The following ZSCAN1 variants were observed in gnomAD, a reference collection of about 807,000 sequenced individuals.
ZSCAN1 encodes the protein zinc finger and SCAN domain containing 1, also known as zinc finger and SCAN domain-containing protein 1.
ZSCAN1 carries 23 observed loss-of-function variants against 23.8 expected under a neutral mutation model. That is an observed-to-expected ratio of 0.97 (90% CI 0.70 to 1.37). ZSCAN1 has a LOEUF of 1.37. Among genes scored for constraint, ZSCAN1 ranks in the 40% most tolerant of loss-of-function variants. The pLI is 0.00. For synonymous variants in ZSCAN1, 236 were observed against 232.3 expected (o/e 1.02, Z -0.15); for missense variants, 575 against 554.0 (o/e 1.04, Z -0.38).
chr19:58,044,694 TCAGCTTGCCAGCACC>T, intron 4 of ZSCAN1: 1 of 778,518 alleles, frequency 1.3e-6, no homozygotes, highest in Non-Finnish European at 2.3e-6. Context: ...CCTGCTCATC[TCAGCTTGCCAGCACC>T]CTGGGGTTGA....
intron 1 of ZSCAN1, 58 bp downstream of exon 1, chr19:58,034,219 C>A (rs2073715372): frequency 6.6e-6 from 1 of 151,240 alleles, no homozygotes; most frequent in Non-Finnish European, 1.5e-5. Context: ...TCGGGACGCC[C>A]ACCCGGGAGG....
intron 4 of ZSCAN1, among the ~76,000 whole-genome samples, chr19:58,043,186 G>A (rs550780575): frequency 2.1e-4 from 32 of 152,380 alleles, no homozygotes; most frequent in African/African-American, 7.7e-4. Context: ...CTGTGGAGTG[G>A]GCACGACTGG....
At position 58,049,912 on chromosome 19, in the gene ZSCAN1, GT is replaced by G. The variant is rs1271843480; in HGVS notation, c.466-2572del. Among the ~76,000 whole-genome samples the G allele has an allele frequency of 6.6e-6, 1 of 152,136 alleles. No individual in the cohort carries two copies. Among genetic ancestry groups the G allele is most frequent in the Non-Finnish European group, 1.5e-5 (1 of 68,018 alleles). On this transcript the variant is annotated intron_variant, in intron 4 of 5. Coordinates refer to ENST00000282326, the MANE Select transcript of ZSCAN1 (RefSeq NM_182572.4). This position sits in a 1 kb window ranked among gnomAD's most constrained non-coding sequence, Gnocchi z 4.5. ...AGCTTTTTCTTGTGGGCATTCTCGG[GT>G]TTTTTCACTTTACTCCACTGTGTTG...
intron 4 of ZSCAN1, among the ~76,000 whole-genome samples, chr19:58,048,267 A>G (rs1229401384): frequency 1.3e-5 from 2 of 152,262 alleles, no homozygotes; most frequent in African/African-American, 4.8e-5. Flanking sequence ...AAATCAATGT[A>G]TAGACATTTT....
chr19:58,055,104 T>G (rs2073883229), downstream of ZSCAN1, among the ~76,000 whole-genome samples: 2 of 152,210 alleles, frequency 1.3e-5, no homozygotes, highest in African/African-American at 4.8e-5. Context: ...CTTTTTCTTT[T>G]TCTCCTCCCG....
At position 58,040,648 on chromosome 19, in the gene ZSCAN1, C is replaced by A; in HGVS notation, c.465+104C>A. The stretch of plus-strand genomic sequence containing the variant: ...CCATCCAAGGACTGTGTGAGGTTGT[C>A]CCCAGCGCTCCCAGGAAGCCCGGCC... On this transcript the variant is annotated intron_variant, in intron 4 of 5. Coordinates refer to ENST00000282326, the MANE Select transcript of ZSCAN1 (RefSeq NM_182572.4). This position sits in a 1 kb window ranked among gnomAD's most constrained non-coding sequence, Gnocchi z 5.8. 1 of 1,128,014 alleles carries A rather than the reference C, an allele frequency of 8.9e-7. No homozygotes were observed. The highest frequency in any genetic ancestry group is 1.3e-6 in the Non-Finnish European group (1 of 774,406). The allele number at this position is 1,128,014 out of a possible 1,614,324, so 69.9% of individuals were successfully genotyped here.
At position 58,037,847 on chromosome 19, in the gene ZSCAN1, G is replaced by A. The variant is rs1327272761; in HGVS notation, c.11G>A (p.Arg4Gln). The A allele has an allele frequency of 2.6e-5, 39 of 1,487,192 alleles. No homozygotes were observed. Among genetic ancestry groups the A allele is most frequent in the Non-Finnish European group, 3.0e-5 (34 of 1,120,248 alleles). The allele number at this position is 1,487,192 out of a possible 1,614,324, so 92.1% of individuals were successfully genotyped here. Residue 4 changes from arginine (R) to glutamine (Q), a missense_variant, in exon 3 of 6, where the codon CGG (arginine) becomes CAG (glutamine). Coordinates refer to ENST00000282326, the MANE Select transcript of ZSCAN1 (RefSeq NM_182572.4). The part of the protein sequence containing the change: MLP[R>Q]PKAPASPRRP... ...ACTGTGGCCAGAGAAATGCTTCCAC[G>A]GCCCAAAGCCCCTGCCTCCCCCAGA...
downstream of ZSCAN1, among the ~76,000 whole-genome samples, chr19:58,055,072 C>G (rs573621136): frequency 4.6e-5 from 7 of 152,324 alleles, no homozygotes; most frequent in South Asian, 1.4e-3. Context: ...CCCTTTCAAG[C>G]AAAAGCCTTA....
chr19:58,042,479 C>T (rs1416038822), intron 4 of ZSCAN1, among the ~76,000 whole-genome samples: 7 of 152,136 alleles, frequency 4.6e-5, no homozygotes, highest in South Asian at 2.1e-4. Context: ...AGGATGGTCT[C>T]GATCTCCTGA....
At position 58,037,807 on chromosome 19, in the gene ZSCAN1, A is replaced by AC. The variant is rs1488740662; in HGVS notation, c.-26dup. The stretch of plus-strand genomic sequence containing the variant: ...GGGACTCGGGATCCAGTCCACACAC[A>AC]CCCCTCAGAGGGGCACTGTGGCCAG... On this transcript the variant is annotated 5_prime_UTR_variant, in exon 3 of 6. Coordinates refer to ENST00000282326, the MANE Select transcript of ZSCAN1 (RefSeq NM_182572.4). 1 of 1,441,802 alleles carries AC rather than the reference A, an allele frequency of 6.9e-7. No homozygotes were observed. The highest frequency in any genetic ancestry group is 1.4e-5 in the South Asian group (1 of 68,984). The allele number at this position is 1,441,802 out of a possible 1,614,324, so 89.3% of individuals were successfully genotyped here. A position where few individuals can be genotyped will look rare whatever the true frequency, so the allele number is the denominator to read the frequency against.
At chr19:58,056,436 G>A (rs1458383558), downstream of ZSCAN1, among the ~76,000 whole-genome samples, 1 of 152,240 alleles carries the variant, frequency 6.6e-6, no homozygotes, top group Admixed American at 6.5e-5. Context: ...GAAGGGATGA[G>A]TGACTCAATG....
In ZSCAN1 at chr19:58,045,707, C is replaced by G; in HGVS notation, c.465+5163C>G. ...AAGGAGCTGCAGGCGGCATGTCGGGCACGAGGCATGCGGGCCCTGGGCGTC... is the reference window on the plus strand; with the variant it reads ...AAGGAGCTGCAGGCGGCATGTCGGGGACGAGGCATGCGGGCCCTGGGCGTC... On this transcript the variant is annotated intron_variant, in intron 4 of 5. Transcript: ENST00000282326. This position sits in a 1 kb window ranked among gnomAD's most constrained non-coding sequence, Gnocchi z 4.3. 1 of 996,632 alleles carries G rather than the reference C, an allele frequency of 1.0e-6. No individual in the cohort carries two copies. The highest frequency in any genetic ancestry group is 1.6e-6 in the Non-Finnish European group (1 of 620,954). 61.7% of individuals were successfully genotyped at this position (996,632 alleles called of 1,614,324 possible). A position where few individuals can be genotyped will look rare whatever the true frequency, so the allele number is the denominator to read the frequency against.
rs369743026 is a variant in ZSCAN1, at chr19:58,053,417, C to T, written c.605-12C>T. On this transcript the variant is annotated splice_polypyrimidine_tract_variant and intron_variant, in intron 5 of 5. Transcript: ENST00000282326. The surrounding 1 kb of genome is among the most constrained non-coding windows in gnomAD (Gnocchi z 5.8). ...CTCACTACAGGTGACCCATCTCCCTCGCCCTCCACAGGGTCCCGGGCCCGC... is the reference window on the plus strand; with the variant it reads ...CTCACTACAGGTGACCCATCTCCCTTGCCCTCCACAGGGTCCCGGGCCCGC... The T allele has an allele frequency of 6.6e-5, 106 of 1,599,766 alleles. No homozygotes were observed. Among genetic ancestry groups the T allele is most frequent in the South Asian group, 1.8e-4 (16 of 89,350 alleles).
chr19:58,037,899 G>A lies in ZSCAN1; in HGVS notation c.63G>A (p.Glu21=), dbSNP rs1381411829. 5.0e-6 allele frequency: 8 copies of A among 1,588,908 alleles called. No individual in the cohort carries two copies. Among genetic ancestry groups the A allele is most frequent in the Non-Finnish European group, 6.0e-6 (7 of 1,172,606 alleles). The change falls in exon 3 of 6, where the codon GAG becomes GAA. Residue 21 remains glutamate (E), a synonymous_variant. Coordinates refer to ENST00000282326, the MANE Select transcript of ZSCAN1 (RefSeq NM_182572.4). ...PRRPQTPTPS[E]QDADPGPASP... is the part of the protein sequence containing the mutation. ...GCCCCCAGACCCCAACCCCGAGTGA[G>A]CAGGACGCAGACCCTGGGCCAGCAA...
At chr19:58,054,973 G>T (rs1011677463), downstream of ZSCAN1, among the ~76,000 whole-genome samples, 9 of 152,218 alleles carry the variant, frequency 5.9e-5, no homozygotes, top group Non-Finnish European at 1.0e-4. This position sits in a 1 kb window ranked among gnomAD's most constrained non-coding sequence, Gnocchi z 4.2. Context: ...CTGGAGCAGA[G>T]TGTGGGCAGG....
rs1300524920 is a variant in ZSCAN1 at position 58,040,767 on chromosome 19, C to T, written c.465+223C>T. Among the ~76,000 whole-genome samples, 1 of 152,216 alleles carries T rather than the reference C, an allele frequency of 6.6e-6. No individual in the cohort carries two copies. On this transcript the variant is annotated intron_variant, in intron 4 of 5. Coordinates refer to ENST00000282326, the MANE Select transcript of ZSCAN1 (RefSeq NM_182572.4). The surrounding 1 kb of genome is among the most constrained non-coding windows in gnomAD (Gnocchi z 5.8). Reference sequence around the variant, plus strand: ...AGTGCAGCTGTGTGTTTGCTGTGTGCCTCTGGGCCTCACCCCAGCCCCTCC... The same window carrying T: ...AGTGCAGCTGTGTGTTTGCTGTGTGTCTCTGGGCCTCACCCCAGCCCCTCC...
intron 1 of ZSCAN1, among the ~76,000 whole-genome samples, chr19:58,035,025 C>T (rs941937118): frequency 6.6e-6 from 1 of 151,978 alleles, no homozygotes; most frequent in African/African-American, 2.4e-5. Flanking sequence ...ATTTGGGGCT[C>T]GGGCTGCAGA....
intron 3 of ZSCAN1, among the ~76,000 whole-genome samples, chr19:58,039,802 A>G (rs1599901018): frequency 6.7e-6 from 1 of 148,418 alleles, no homozygotes; most frequent in South Asian, 2.1e-4. Context: ...AGGAACAACC[A>G]GTGGAATCAG....
intron 4 of ZSCAN1, among the ~76,000 whole-genome samples, chr19:58,041,194 T>G (rs974028649): frequency 6.6e-6 from 1 of 152,224 alleles, no homozygotes; most frequent in Non-Finnish European, 1.5e-5. Flanking sequence ...GATCTTGGTA[T>G]TGGAGCCGCC....
Sources: gnomAD v4.1 joint callset for allele counts (sites outside exome capture counted in the v4.1 genomes callset) on GRCh38, gnomAD v4.1.1 for gene constraint, Gnocchi (gnomAD v3.1) non-coding constraint, MANE v1.5 for transcripts, NCBI Gene and HGNC (gene_info 2026-07-23, HGNC 2026-07-21) for gene names.